Variants in GTF2E2 observed in about 807,000 individuals in gnomAD.
GTF2E2 encodes the protein transcription initiation factor IIE subunit beta.
In GTF2E2, 21 loss-of-function variants were observed where a neutral mutation model predicts 40.5. That is an observed-to-expected ratio of 0.52 (90% CI 0.37 to 0.75). GTF2E2 has a LOEUF of 0.75. GTF2E2 is among the 30% of genes least tolerant of loss of function. GTF2E2 has a pLI of 0.00. For synonymous variants in GTF2E2, 117 were observed against 121.6 expected (o/e 0.96, Z 0.25); for missense variants, 298 against 338.4 (o/e 0.88, Z 0.94).
At chr8:30,580,176 A>C (rs1828474535) in intron 7 of GTF2E2, 105 bp downstream of exon 7, 6 of 714,816 alleles carry the variant, frequency 8.4e-6, no homozygotes, top group Non-Finnish European at 1.2e-5. Context: ...GACACTGAGA[A>C]ACAATGGCGG....
At chr8:30,621,553 T>C (rs1801102238) in intron 3 of GTF2E2, among the ~76,000 whole-genome samples, 1 of 152,148 alleles carries the variant, frequency 6.6e-6, no homozygotes, top group African/African-American at 2.4e-5. Flanking sequence ...TTGATTTAGT[T>C]TTCAGCAAAG....
chr8:30,637,333 G>A (rs1585992070), intron 2 of GTF2E2: 2 of 455,328 alleles, frequency 4.4e-6, no homozygotes, highest in South Asian at 3.1e-5. Context: ...GGCCAATTAT[G>A]AATCACAAAC....
Position 30,614,595 on chromosome 8 carries a change from A to G in GTF2E2, c.366+13T>C, listed in dbSNP as rs749480638. 5.9e-6 allele frequency: 8 copies of G among 1,345,098 alleles called. No individual in the cohort carries two copies. Among genetic ancestry groups the G allele is most frequent in the Middle Eastern group, 3.6e-4 (2 of 5,486 alleles). 83.3% of individuals were successfully genotyped at this position (1,345,098 alleles called of 1,614,324 possible). ...TACAGGAAATCTCTCTTGATAATCAACTAAATTCTTACCTCAGTCATTAGC... is the reference window on the plus strand; with the variant it reads ...TACAGGAAATCTCTCTTGATAATCAGCTAAATTCTTACCTCAGTCATTAGC... On this transcript the variant is annotated intron_variant, in intron 4 of 7. Transcript: ENST00000355904.
chr8:30,653,520 C>G lies in GTF2E2; in HGVS notation c.79G>C (p.Ala27Pro). The G allele has an allele frequency of 6.2e-7, 1 of 1,613,244 alleles. No homozygotes were observed. Among genetic ancestry groups the G allele is most frequent in the Non-Finnish European group, 8.5e-7 (1 of 1,179,262 alleles). Residue 27 changes from alanine (A) to proline (P), a missense_variant, in exon 2 of 8, where the codon GCA becomes CCA. Ala to Pro is a conservative substitution (Grantham distance 27). Coordinates refer to ENST00000355904, the MANE Select transcript of GTF2E2 (RefSeq NM_002095.6). The part of the protein sequence containing the change: ...LSTPVVEKRS[A>P]SSESSSSSSK... ...GATGATGATGATGACTCAGAAGATG[C>G]TGAACGTTTTTCTACTACAGGAGTA... is the stretch of plus-strand genomic sequence containing the variant.
intron 6 of GTF2E2, among the ~76,000 whole-genome samples, chr8:30,591,274 C>A (rs1450001151): frequency 2.0e-5 from 3 of 152,104 alleles, no homozygotes; most frequent in Non-Finnish European, 4.4e-5. Flanking sequence ...TTACTTGAGG[C>A]CAGGAGTTCA....
At chr8:30,579,506 C>T (rs77655002) in intron 7 of GTF2E2, among the ~76,000 whole-genome samples, 1,954 of 152,222 alleles carry the variant, frequency 0.013, 38 homozygotes, top group African/African-American at 0.045. Context: ...ACAAATGAGA[C>T]AATAATAGGA....
intron 2 of GTF2E2, among the ~76,000 whole-genome samples, chr8:30,650,041 TCA>T (rs1802219521): frequency 6.6e-6 from 1 of 152,152 alleles, no homozygotes; most frequent in Non-Finnish European, 1.5e-5. Context: ...TAACAAAGTT[TCA>T]CAAACTCTTT....
rs377609091 is a variant in GTF2E2 at position 30,635,172 on chromosome 8, C to T, written c.167-49G>A. 24 of 999,282 alleles carry T rather than the reference C, an allele frequency of 2.4e-5. 1 individual carries two copies. The South Asian group carries it at 3.3e-4, about 14-fold the overall frequency. The allele number at this position is 999,282 out of a possible 1,614,324, so 61.9% of individuals were successfully genotyped here. A position where few individuals can be genotyped will look rare whatever the true frequency, so the allele number is the denominator to read the frequency against. On this transcript the variant is annotated intron_variant, in intron 2 of 7. Transcript: ENST00000355904. ...ATCGTCATATTATGTGTGATTATGACTCTTGAGCAGCTAAAATAATTTTAA... is the reference window on the plus strand; with the variant it reads ...ATCGTCATATTATGTGTGATTATGATTCTTGAGCAGCTAAAATAATTTTAA...
intron 2 of GTF2E2, among the ~76,000 whole-genome samples, chr8:30,648,236 G>A (rs1009231315): frequency 2.0e-5 from 3 of 152,204 alleles, no homozygotes; most frequent in Non-Finnish European, 4.4e-5. Context: ...AGTACAAGGA[G>A]AACAGTATGA....
At chr8:30,644,250 T>C (rs936188053) in intron 2 of GTF2E2, among the ~76,000 whole-genome samples, 2 of 152,182 alleles carry the variant, frequency 1.3e-5, no homozygotes, top group Admixed American at 1.3e-4. Flanking sequence ...ATACTGAAAC[T>C]TGAACTCACC....
chr8:30,638,219 A>T (rs928073761), intron 2 of GTF2E2, among the ~76,000 whole-genome samples: 2 of 152,242 alleles, frequency 1.3e-5, no homozygotes, highest in Admixed American at 1.3e-4. Context: ...TTTTATGCAC[A>T]CTTCCTGAAG....
intron 6 of GTF2E2, among the ~76,000 whole-genome samples, chr8:30,601,289 C>T (rs1829171899): frequency 6.6e-6 from 1 of 152,182 alleles, no homozygotes; most frequent in Non-Finnish European, 1.5e-5. Flanking sequence ...CTTCTTCCAC[C>T]ACCAAGTGTG....
chr8:30,608,798 G>A (rs1563485188), intron 5 of GTF2E2, among the ~76,000 whole-genome samples: 1 of 152,210 alleles, frequency 6.6e-6, no homozygotes, highest in Non-Finnish European at 1.5e-5. Flanking sequence ...CAACCAGGCT[G>A]GAGTGCAGTG....
At chr8:30,608,922 G>A (rs184580382) in intron 5 of GTF2E2, among the ~76,000 whole-genome samples, 259 of 152,234 alleles carry the variant, frequency 1.7e-3, no homozygotes, top group African/African-American at 5.9e-3. Flanking sequence ...CTAATTTTTT[G>A]TACTTTTTAG....
intron 2 of GTF2E2, among the ~76,000 whole-genome samples, chr8:30,636,082 T>C (rs971259687): frequency 1.3e-5 from 2 of 152,074 alleles, no homozygotes; most frequent in Non-Finnish European, 2.9e-5. Context: ...TGGAAAACCC[T>C]GTACAAAAGA....
intron 3 of GTF2E2, among the ~76,000 whole-genome samples, chr8:30,627,622 A>G (rs1271296155): frequency 6.6e-6 from 1 of 152,152 alleles, no homozygotes; most frequent in East Asian, 1.9e-4. Flanking sequence ...TGAGGCCAGG[A>G]GTTTAAGACC....
chr8:30,630,878 T>C (rs543263942), intron 3 of GTF2E2, among the ~76,000 whole-genome samples: 7 of 152,316 alleles, frequency 4.6e-5, no homozygotes, highest in African/African-American at 1.4e-4. Context: ...AGCAATTGTT[T>C]AAAGTTTCCT....
chr8:30,597,266 T>G (rs567343707), intron 6 of GTF2E2: 1 of 152,396 alleles, frequency 6.6e-6, no homozygotes, highest in East Asian at 1.9e-4. Flanking sequence ...TTAAGGCTCT[T>G]ATCTCATAGG....
chr8:30,650,146 C>G (rs1563511601), intron 2 of GTF2E2, among the ~76,000 whole-genome samples: 1 of 152,146 alleles, frequency 6.6e-6, no homozygotes, highest in Non-Finnish European at 1.5e-5. Flanking sequence ...ACTACATACA[C>G]ATCAAGTCCC....
Sources: gnomAD v4.1 joint callset for allele counts (sites outside exome capture counted in the v4.1 genomes callset) on GRCh38, gnomAD v4.1.1 for gene constraint, MANE v1.5 for transcripts, NCBI Gene and HGNC (gene_info 2026-07-23, HGNC 2026-07-21) for gene names.